The following AIF1L variants were observed in gnomAD, a reference collection of about 807,000 sequenced individuals.
The protein encoded by AIF1L is allograft inflammatory factor 1-like.
AIF1L carries 12 observed loss-of-function variants against 20.7 expected under a neutral mutation model. The ratio of observed to expected loss-of-function variants is 0.58; its 90% confidence interval spans 0.37 to 0.94. The LOEUF (loss-of-function observed/expected upper bound fraction) is 0.94. Among genes scored for constraint, AIF1L ranks in the 40% least tolerant of loss-of-function variants. AIF1L has a pLI of 0.01. For missense variants in AIF1L, 173 were observed against 185.3 expected (o/e 0.93, Z 0.39); for synonymous variants, 76 against 65.1 (o/e 1.17, Z -0.81).
At chr9:131,119,197 G>A (rs1831079539) in intron 5 of AIF1L, among the ~76,000 whole-genome samples, 1 of 152,076 alleles carries the variant, frequency 6.6e-6, no homozygotes, top group Admixed American at 6.6e-5. Context: ...ATTGTCATTT[G>A]TCACAGCTGA....
rs73658922 is a variant in AIF1L, at chr9:131,100,806, C to T, written c.93+3943C>T. 5.1e-3 allele frequency among the ~76,000 whole-genome samples: 778 copies of T among 152,320 alleles called. 5 individuals are homozygous for T. The highest frequency in any genetic ancestry group is 0.018 in the African/African-American group (747 of 41,572). On this transcript the variant is annotated intron_variant, in intron 2 of 5. Coordinates refer to ENST00000247291, the MANE Select transcript of AIF1L (RefSeq NM_031426.4). ...GCAGGAGTGGGGCTGGGGGCGCTGC[C>T]CCTCAGGGTGGCTGTGCCCTGGGAC...
chr9:131,096,543 C>T lies in AIF1L; in HGVS notation c.-87C>T. ...CGGTCCCGCGGCCACACGCAGCTAGCCGGAGCCCGGACCAGGCGCCTGTGC... is the reference window on the plus strand; with the variant it reads ...CGGTCCCGCGGCCACACGCAGCTAGTCGGAGCCCGGACCAGGCGCCTGTGC... On this transcript the variant is annotated 5_prime_UTR_variant, in exon 1 of 6. Coordinates refer to ENST00000247291, the MANE Select transcript of AIF1L (RefSeq NM_031426.4). 6.9e-7 allele frequency: 1 copy of T among 1,441,868 alleles called. No homozygotes were observed. 89.3% of individuals were successfully genotyped at this position (1,441,868 alleles called of 1,614,324 possible). A position where few individuals can be genotyped will look rare whatever the true frequency, so the allele number is the denominator to read the frequency against.
At chr9:131,119,943 C>G (rs906317395) in intron 5 of AIF1L, among the ~76,000 whole-genome samples, 4 of 152,152 alleles carry the variant, frequency 2.6e-5, no homozygotes, top group African/African-American at 9.7e-5. Context: ...AAGGGTATGG[C>G]CTGGAAGTCA....
At chr9:131,096,937 G>T in intron 2 of AIF1L, 74 bp downstream of exon 2, 1 of 1,429,894 alleles carries the variant, frequency 7.0e-7, no homozygotes, top group Middle Eastern at 2.3e-4. Context: ...CCTTCCGCGA[G>T]GCCGTGCCCG....
At chr9:131,101,985 C>T (rs1162100172) in intron 2 of AIF1L, among the ~76,000 whole-genome samples, 2 of 152,092 alleles carry the variant, frequency 1.3e-5, no homozygotes, top group Non-Finnish European at 2.9e-5. Context: ...GGCATGATCT[C>T]GGCTCACTGC....
Position 131,120,314 on chromosome 9 carries a change from C to T in AIF1L, c.445C>T (p.Leu149=). The part of the protein sequence containing the change: ...GPPPERDIAS[L]P ...CCCTCCAGAGAGAGACATTGCTAGC[C>T]TGCCCTGAGGACCCCGCCTGGACTC... Residue 149 remains leucine (L), a synonymous_variant, in exon 6 of 6, where the codon CTG becomes TTG. Transcript: ENST00000247291. 1 of 1,613,206 alleles carries T rather than the reference C, an allele frequency of 6.2e-7. No individual in the cohort carries two copies. The highest frequency in any genetic ancestry group is 8.5e-7 in the Non-Finnish European group (1 of 1,179,726).
chr9:131,120,185 T>A, intron 5 of AIF1L, 50 bp from the exon 6 acceptor site: 3 of 1,561,162 alleles, frequency 1.9e-6, no homozygotes, highest in Non-Finnish European at 2.6e-6. Context: ...GAGGGAAGGA[T>A]CCTAATCTTG....
chr9:131,115,080 T>C (rs941614785), intron 4 of AIF1L, among the ~76,000 whole-genome samples: 2 of 152,240 alleles, frequency 1.3e-5, no homozygotes, highest in African/African-American at 4.8e-5. Context: ...AGACCATACC[T>C]GGACCTCACC....
intron 2 of AIF1L, among the ~76,000 whole-genome samples, chr9:131,111,228 C>T (rs934324246): frequency 2.0e-5 from 3 of 151,078 alleles, no homozygotes; most frequent in African/African-American, 7.3e-5. Flanking sequence ...GATCACATTC[C>T]TAAGAAGTTA....
Position 131,120,922 on chromosome 9 carries a change from A to G in AIF1L, c.*600A>G. The G allele has an allele frequency of 2.0e-6, 1 of 503,452 alleles. No homozygotes were observed. 31.2% of individuals were successfully genotyped at this position (503,452 alleles called of 1,614,324 possible). A position where few individuals can be genotyped will look rare whatever the true frequency, so the allele number is the denominator to read the frequency against. On this transcript the variant is annotated 3_prime_UTR_variant, in exon 6 of 6. Transcript: ENST00000247291. ...AAGGTGGGAAGGAAAGGAGCTTGGC[A>G]TTGGGAGCCCTTCAAGAAGGTACCA...
Position 131,122,208 on chromosome 9 carries a change from A to G in AIF1L, c.*1886A>G, listed in dbSNP as rs912572110. 2.0e-5 allele frequency: 3 copies of G among 152,580 alleles called. No homozygotes were observed. The highest frequency in any genetic ancestry group is 1.3e-4 in the Admixed American group (2 of 15,278). 9.5% of individuals were successfully genotyped at this position (152,580 alleles called of 1,614,324 possible). A position where few individuals can be genotyped will look rare whatever the true frequency, so the allele number is the denominator to read the frequency against. ...CTGGGAGGTCTTGGTGGTTGGAGCC[A>G]ACGTGGGTTCCCTGCGGCTCCTTAG... On this transcript the variant is annotated 3_prime_UTR_variant, in exon 6 of 6. Transcript: ENST00000247291.
In AIF1L at chr9:131,121,135, G is replaced by T. The variant is rs1831130184; in HGVS notation, c.*813G>T. 1 of 713,854 alleles carries T rather than the reference G, an allele frequency of 1.4e-6. No individual in the cohort carries two copies. The highest frequency in any genetic ancestry group is 2.7e-5 in the East Asian group (1 of 37,214). The allele number at this position is 713,854 out of a possible 1,614,324, so 44.2% of individuals were successfully genotyped here. ...GGGAGGTTACTGAGGGGACCAGGAT[G>T]GGAGAATGAGGAGTAAAATGCTCAC... On this transcript the variant is annotated 3_prime_UTR_variant, in exon 6 of 6. Transcript: ENST00000247291.
chr9:131,115,590 A>G (rs1371500173), intron 4 of AIF1L, among the ~76,000 whole-genome samples: 2 of 150,934 alleles, frequency 1.3e-5, no homozygotes, highest in Non-Finnish European at 2.9e-5. Context: ...TCTCAGATTG[A>G]TGCTGCTACC....
chr9:131,102,415 C>T (rs373440248), intron 2 of AIF1L, among the ~76,000 whole-genome samples: 7 of 152,172 alleles, frequency 4.6e-5, no homozygotes, highest in Non-Finnish European at 7.3e-5. Context: ...CCTGCCCAGG[C>T]GAATGTATGC....
At chr9:131,118,269 T>A (rs944422082) in intron 5 of AIF1L, among the ~76,000 whole-genome samples, 1 of 152,098 alleles carries the variant, frequency 6.6e-6, no homozygotes, top group Non-Finnish European at 1.5e-5. Flanking sequence ...ATTTTTGTAT[T>A]TTTAGAAGAG....
chr9:131,116,817 C>A (rs1831023406), intron 4 of AIF1L, among the ~76,000 whole-genome samples: 1 of 152,268 alleles, frequency 6.6e-6, no homozygotes, highest in Non-Finnish European at 1.5e-5. Context: ...GTCCTGCCAA[C>A]TTCAGAGTCT....
intron 2 of AIF1L, chr9:131,111,374 C>G: frequency 1.9e-6 from 1 of 525,224 alleles, no homozygotes; most frequent in Non-Finnish European, 3.4e-6. Context: ...CGTAGTGAAC[C>G]CTCTGGGGCC....
intron 2 of AIF1L, chr9:131,107,921 C>G (rs565965829): frequency 2.0e-5 from 3 of 152,098 alleles, no homozygotes; most frequent in Non-Finnish European, 4.4e-5. Flanking sequence ...GGAGCAGTGC[C>G]GAAGAGCTAT....
intron 2 of AIF1L, among the ~76,000 whole-genome samples, chr9:131,111,037 A>G (rs757945118): frequency 7.8e-4 from 119 of 151,936 alleles, no homozygotes; most frequent in Non-Finnish European, 1.1e-3. Context: ...TTAGCTGGGC[A>G]TGGTGGCAGG....
Sources: allele counts gnomAD v4.1 joint callset (sites outside exome capture counted in the v4.1 genomes callset), GRCh38; gene constraint gnomAD v4.1.1; transcripts MANE v1.5; gene names NCBI Gene and HGNC (gene_info 2026-07-23, HGNC 2026-07-21).